The following FAM9B variants were observed in gnomAD, a reference collection of about 807,000 sequenced individuals.
FAM9B encodes protein FAM9B.
A neutral mutation model predicts 16.6 loss-of-function variants in FAM9B; 18 were observed. The observed-to-expected ratio is 1.09, with a 90% confidence interval of 0.75 to 1.61. FAM9B has a LOEUF of 1.61. FAM9B is among the 40% of genes most tolerant of loss of function. FAM9B has a pLI of 0.00. For synonymous variants in FAM9B, 43 were observed against 42.6 expected (o/e 1.01, Z -0.03); for missense variants, 155 against 136.0 (o/e 1.14, Z -0.70).
Position 9,029,488 on chromosome X carries a change from A to AACTG in FAM9B, c.282-74_282-71dup. 5.8e-6 allele frequency: 4 copies of AACTG among 687,955 alleles called. No homozygotes were observed. In the South Asian group the frequency reaches 1.1e-4, roughly 20 times the overall value. 56.7% of individuals were successfully genotyped at this position (687,955 alleles called of 1,213,427 possible). ...GAAAAATTAATCCTATTCAAACCCA[A>AACTG]ACTGACTTGACATAATTTATACTAT... On this transcript the variant is annotated intron_variant, in intron 5 of 8. Transcript: ENST00000327220.
chrX:9,030,129 G>C (rs4830617), intron 5 of FAM9B, 132 bp downstream of exon 5: 8 of 1,127,342 alleles, frequency 7.1e-6, no homozygotes, highest in Non-Finnish European at 9.4e-6. Context: ...TACCTACTTA[G>C]AGAACAATCA....
intron 6 of FAM9B, among the ~76,000 whole-genome samples, 172 bp downstream of exon 6, chrX:9,029,135 T>C (rs1162002591): frequency 8.9e-6 from 1 of 111,918 alleles, no homozygotes; most frequent in African/African-American, 3.2e-5. Flanking sequence ...CTGACTTCAG[T>C]TGGACCCCTA....
At position 9,032,165 on chromosome X, in the gene FAM9B, T is replaced by TA. The variant is rs747698375; in HGVS notation, c.150-5dup. ...TTCTGGCTTCTTGGTATTAGCCCTGTAAAAAAAGTTACATCAAAATTTTAA... is the reference window on the plus strand; with the variant it reads ...TTCTGGCTTCTTGGTATTAGCCCTGTAAAAAAAAGTTACATCAAAATTTTAA... On this transcript the variant is annotated splice_polypyrimidine_tract_variant and splice_region_variant and intron_variant, in intron 3 of 8. Transcript: ENST00000327220. 8.3e-6 allele frequency: 10 copies of TA among 1,203,525 alleles called. No individual in the cohort carries two copies. The highest frequency in any genetic ancestry group is 2.3e-5 in the Admixed American group (1 of 44,147).
At position 9,025,086 on chromosome X, in the gene FAM9B, T is replaced by G. The variant is rs2146820510; in HGVS notation, c.*323A>C. The G allele has an allele frequency of 8.8e-6, 1 of 114,064 alleles. No individual in the cohort carries two copies. Among genetic ancestry groups the G allele is most frequent in the South Asian group, 3.6e-4 (1 of 2,766 alleles). The allele number at this position is 114,064 out of a possible 1,213,427, so 9.4% of individuals were successfully genotyped here. A position where few individuals can be genotyped will look rare whatever the true frequency, so the allele number is the denominator to read the frequency against. ...ACAGAGGCCAAATCGAAATCTAAATTATCTTTAATGTTAAAATTTAATTGA... is the reference window on the plus strand; with the variant it reads ...ACAGAGGCCAAATCGAAATCTAAATGATCTTTAATGTTAAAATTTAATTGA... On this transcript the variant is annotated 3_prime_UTR_variant, in exon 9 of 9. Coordinates refer to ENST00000327220, the MANE Select transcript of FAM9B (RefSeq NM_205849.3).
Position 9,027,856 on chromosome X carries a change from A to G in FAM9B, c.492+12T>C. On this transcript the variant is annotated intron_variant, in intron 7 of 8. Transcript: ENST00000327220. ...TATTTTATAATGTATTATGTTACCA[A>G]ATAGAACAGACCTTTACGAATTGGT... is the stretch of plus-strand genomic sequence containing the variant. 1.7e-6 allele frequency: 2 copies of G among 1,186,153 alleles called. No individual in the cohort carries two copies. Among genetic ancestry groups the G allele is most frequent in the Non-Finnish European group, 2.3e-6 (2 of 872,390 alleles).
intron 7 of FAM9B, 119 bp from the exon 8 acceptor site, chrX:9,025,702 T>C (rs772778332): frequency 3.0e-4 from 154 of 521,566 alleles, no homozygotes; most frequent in Admixed American, 1.4e-3. Context: ...CAGTTATTCA[T>C]TTCAAATAGA....
intron 4 of FAM9B, 114 bp from the exon 5 acceptor site, chrX:9,030,474 G>A: frequency 4.3e-6 from 2 of 468,809 alleles, no homozygotes; most frequent in South Asian, 6.2e-5. Flanking sequence ...AATTTCAGAA[G>A]GATATTTAAA....
chrX:9,029,992 A>T, intron 5 of FAM9B: 1 of 424,924 alleles, frequency 2.4e-6, no homozygotes, highest in Non-Finnish European at 4.0e-6. Context: ...ATATTTCTAG[A>T]AATGGATAAA....
At chrX:9,032,661 G>C in intron 2 of FAM9B, 200 bp from the exon 3 acceptor site, 1 of 641,975 alleles carries the variant, frequency 1.6e-6, no homozygotes, top group East Asian at 3.5e-5. Context: ...TTCGGGTTCA[G>C]GTTCCAGTAA....
At chrX:9,032,287 T>C in intron 3 of FAM9B, 54 bp downstream of exon 3, 1 of 1,208,172 alleles carries the variant, frequency 8.3e-7, no homozygotes. Flanking sequence ...GGTCCAAAGC[T>C]GACTTTTCCT....
At chrX:9,032,517 T>C (rs1921110391) in intron 2 of FAM9B, 56 bp from the exon 3 acceptor site, 1 of 974,215 alleles carries the variant, frequency 1.0e-6, no homozygotes, top group African/African-American at 2.1e-5. Flanking sequence ...GCTGTGGACA[T>C]TTTTTGTGGA....
intron 6 of FAM9B, among the ~76,000 whole-genome samples, 181 bp downstream of exon 6, chrX:9,029,126 T>G (rs975516721): frequency 5.4e-5 from 6 of 111,968 alleles, no homozygotes; most frequent in African/African-American, 1.9e-4. Flanking sequence ...GTTATGATGC[T>G]GACTTCAGTT....
chrX:9,028,677 C>T (rs751385197), intron 6 of FAM9B, among the ~76,000 whole-genome samples: 7 of 111,379 alleles, frequency 6.3e-5, no homozygotes, highest in African/African-American at 2.3e-4. Flanking sequence ...TCCGAGCTAG[C>T]AATGGTCAAG....
At position 9,027,083 on chromosome X, in the gene FAM9B, G is replaced by A. The variant is rs184945050; in HGVS notation, c.492+785C>T. On this transcript the variant is annotated intron_variant, in intron 7 of 8. Coordinates refer to ENST00000327220, the MANE Select transcript of FAM9B (RefSeq NM_205849.3). ...TTATCTACATCTACATGAAGAAGAGGTCATTGTCTGATGATAATTTGCTAA... is the reference window on the plus strand; with the variant it reads ...TTATCTACATCTACATGAAGAAGAGATCATTGTCTGATGATAATTTGCTAA... Among the ~76,000 whole-genome samples, 489 of 111,807 alleles carry A rather than the reference G, an allele frequency of 4.4e-3. 1 individual carries two copies. The highest frequency in any genetic ancestry group is 5.8e-3 in the Non-Finnish European group (309 of 53,131).
Position 9,025,340 on chromosome X carries a change from T to C in FAM9B, c.*69A>G. 2.6e-6 allele frequency: 1 copy of C among 390,321 alleles called. No individual in the cohort carries two copies. The allele number at this position is 390,321 out of a possible 1,213,427, so 32.2% of individuals were successfully genotyped here. A position where few individuals can be genotyped will look rare whatever the true frequency, so the allele number is the denominator to read the frequency against. Reference sequence around the variant, plus strand: ...CTTCAGTCATCAGAATAACAGAGGTTGAAGAGACAACTGGGTAAGTGCCAA... The same window carrying C: ...CTTCAGTCATCAGAATAACAGAGGTCGAAGAGACAACTGGGTAAGTGCCAA... On this transcript the variant is annotated 3_prime_UTR_variant, in exon 9 of 9. Transcript: ENST00000327220.
At position 9,030,361 on chromosome X, in the gene FAM9B, CT is replaced by C; in HGVS notation, c.182-2del. 8.5e-7 allele frequency: 1 copy of C among 1,172,570 alleles called. No homozygotes were observed. Among genetic ancestry groups the C allele is most frequent in the Non-Finnish European group, 1.1e-6 (1 of 869,975 alleles). On this transcript the variant is annotated splice_acceptor_variant, in intron 4 of 8. Coordinates refer to ENST00000327220, the MANE Select transcript of FAM9B (RefSeq NM_205849.3). LOFTEE classifies it high-confidence loss of function. Reference sequence around the variant, plus strand: ...CTTTTTCTTTTTGCAGTAAGATCCTCTTTAATGTCAGTTAGATAGTAAATGA... The same window carrying C: ...CTTTTTCTTTTTGCAGTAAGATCCTCTTAATGTCAGTTAGATAGTAAATGA...
chrX:9,032,446 C>T lies in FAM9B; in HGVS notation c.44G>A (p.Arg15His), dbSNP rs1272539169. Residue 15 changes from arginine (R) to histidine (H), a missense_variant, in exon 3 of 9, where the codon CGT becomes CAT. Physicochemically the swap from Arg to His is conservative, Grantham distance 29. Transcript: ENST00000327220. ...ACGGTTTCTTTCCTCACATTCATCA[C>T]GGACTGGATCCTTTCCTGCATTAAA... ...GKKHAGKDPV[R>H]DECEERNRFT... 3.3e-6 allele frequency: 4 copies of T among 1,209,503 alleles called. No homozygotes were observed. The highest frequency in any genetic ancestry group is 4.4e-5 in the Admixed American group (2 of 45,734).
At chrX:9,031,787 A>C (rs12014854) in intron 4 of FAM9B, 2 of 159,283 alleles carry the variant, frequency 1.3e-5, no homozygotes, top group Non-Finnish European at 2.4e-5. Context: ...GCTAAAAAAA[A>C]CCATTGATAT....
At chrX:9,031,178 T>G (rs995054222) in intron 4 of FAM9B, 8 of 111,979 alleles carry the variant, frequency 7.1e-5, no homozygotes, top group African/African-American at 9.7e-5. Context: ...AAACCAGCAC[T>G]TTGTCACCAA....
Sources: gnomAD v4.1 joint callset for allele counts (sites outside exome capture counted in the v4.1 genomes callset) on GRCh38, gnomAD v4.1.1 for gene constraint, MANE v1.5 for transcripts, NCBI Gene and HGNC (gene_info 2026-07-23, HGNC 2026-07-21) for gene names.